PXDNL: variants seen among roughly 807,000 people sequenced by gnomAD.
PXDNL encodes probable oxidoreductase PXDNL.
A neutral mutation model predicts 150.8 loss-of-function variants in PXDNL; 145 were observed. The ratio of observed to expected loss-of-function variants is 0.96; its 90% CI spans 0.84 to 1.10. The LOEUF is 1.10. PXDNL is among the 50% of genes least tolerant of loss of function. The pLI is 0.00. For missense variants in PXDNL, 2,087 were observed against 1,873.9 expected (o/e 1.11, Z -2.10); for synonymous variants, 757 against 725.7 (o/e 1.04, Z -0.69).
intron 2 of PXDNL, among the ~76,000 whole-genome samples, chr8:51,629,497 A>G (rs897793945): frequency 4.7e-4 from 71 of 152,178 alleles, no homozygotes; most frequent in African/African-American, 1.6e-3. Flanking sequence ...AAGGAAAATA[A>G]AGAATACTTC....
chr8:51,652,400 C>G (rs1417015892), intron 2 of PXDNL, among the ~76,000 whole-genome samples: 3 of 151,314 alleles, frequency 2.0e-5, no homozygotes, highest in Non-Finnish European at 4.4e-5. Context: ...CTCTCTCTCT[C>G]TCTCTTACTG....
At chr8:51,539,122 C>T (rs1206978939) in intron 4 of PXDNL, among the ~76,000 whole-genome samples, 2 of 151,986 alleles carry the variant, frequency 1.3e-5, no homozygotes, top group African/African-American at 2.4e-5. Flanking sequence ...TGTCTTTTAC[C>T]AGGTTAAGGA....
intron 1 of PXDNL, among the ~76,000 whole-genome samples, chr8:51,725,824 C>T (rs1389396432): frequency 1.3e-5 from 2 of 152,232 alleles, no homozygotes; most frequent in African/African-American, 4.8e-5. Flanking sequence ...CAAGTATTCA[C>T]ACACAGGTAA....
intron 1 of PXDNL, among the ~76,000 whole-genome samples, chr8:51,666,308 T>C (rs146136392): frequency 1.3e-5 from 2 of 152,310 alleles, no homozygotes; most frequent in African/African-American, 4.8e-5. Flanking sequence ...CCTGCCTCTG[T>C]ATGAGCCCTC....
chr8:51,641,818 A>G (rs1212997906), intron 2 of PXDNL, among the ~76,000 whole-genome samples: 1 of 152,174 alleles, frequency 6.6e-6, no homozygotes, highest in Non-Finnish European at 1.5e-5. Context: ...GGGATCTAGA[A>G]CTAGAAATAC....
chr8:51,697,467 A>G (rs985803327), intron 1 of PXDNL, among the ~76,000 whole-genome samples: 8 of 152,266 alleles, frequency 5.3e-5, no homozygotes, highest in East Asian at 1.9e-4. Flanking sequence ...TTAAGGATGT[A>G]TGTCCAATGC....
At chr8:51,610,083 A>G (rs1813967146) in intron 2 of PXDNL, among the ~76,000 whole-genome samples, 1 of 152,116 alleles carries the variant, frequency 6.6e-6, no homozygotes, top group African/African-American at 2.4e-5. Flanking sequence ...AGGTATAATA[A>G]TTCACATTTA....
At chr8:51,435,307 C>A (rs754018788) in intron 12 of PXDNL, among the ~76,000 whole-genome samples, 1 of 151,464 alleles carries the variant, frequency 6.6e-6, no homozygotes, top group Non-Finnish European at 1.5e-5. Context: ...GGTGATAGAG[C>A]GAGACTCTGT....
intron 1 of PXDNL, among the ~76,000 whole-genome samples, chr8:51,806,696 G>A (rs2037679533): frequency 6.6e-6 from 1 of 152,182 alleles, no homozygotes; most frequent in Non-Finnish European, 1.5e-5. Flanking sequence ...TTCTAAAAAT[G>A]TAATTAGCTG....
intron 1 of PXDNL, among the ~76,000 whole-genome samples, chr8:51,790,313 G>A (rs1252433457): frequency 6.6e-6 from 1 of 152,084 alleles, no homozygotes; most frequent in Non-Finnish European, 1.5e-5. Flanking sequence ...CATTCAAATG[G>A]CAAGTGTGGG....
chr8:51,417,707 GT>G (rs2129682369), intron 14 of PXDNL, among the ~76,000 whole-genome samples: 1 of 152,234 alleles, frequency 6.6e-6, no homozygotes, highest in South Asian at 2.1e-4. Context: ...CCTATAAAGA[GT>G]GATGCTAAAA....
chr8:51,377,185 G>C (rs1198767156), intron 17 of PXDNL, among the ~76,000 whole-genome samples: 1 of 151,072 alleles, frequency 6.6e-6, no homozygotes. Context: ...TTTGTAAATG[G>C]TGTTGATAAC....
chr8:51,493,629 C>T (rs1029572635), intron 5 of PXDNL, among the ~76,000 whole-genome samples: 6 of 152,036 alleles, frequency 3.9e-5, no homozygotes, highest in Non-Finnish European at 7.4e-5. Flanking sequence ...AACTACATGA[C>T]GAATGCACAA....
At chr8:51,733,167 C>T (rs1430604041) in intron 1 of PXDNL, among the ~76,000 whole-genome samples, 1 of 152,182 alleles carries the variant, frequency 6.6e-6, no homozygotes, top group Non-Finnish European at 1.5e-5. Context: ...AGAACCAAAT[C>T]CAAGAGTAAA....
At chr8:51,443,854 T>C (rs1224794124) in intron 12 of PXDNL, among the ~76,000 whole-genome samples, 3 of 152,222 alleles carry the variant, frequency 2.0e-5, no homozygotes, top group South Asian at 2.1e-4. Context: ...CATTCCTTTA[T>C]GCTATACCAA....
At chr8:51,334,595 G>T (rs1805786861) in intron 21 of PXDNL, among the ~76,000 whole-genome samples, 1 of 152,118 alleles carries the variant, frequency 6.6e-6, no homozygotes, top group Non-Finnish European at 1.5e-5. Flanking sequence ...GAAAAGAAGA[G>T]AGAGAATCCA....
intron 17 of PXDNL, among the ~76,000 whole-genome samples, chr8:51,403,802 T>G (rs548598798): frequency 6.6e-6 from 1 of 152,272 alleles, no homozygotes; most frequent in Non-Finnish European, 1.5e-5. Context: ...AGGTGGTGAT[T>G]AGGTCATGAT....
intron 2 of PXDNL, among the ~76,000 whole-genome samples, chr8:51,623,490 G>A (rs914484336): frequency 3.9e-5 from 6 of 152,356 alleles, no homozygotes; most frequent in African/African-American, 1.2e-4. Flanking sequence ...GTGTGTGCCT[G>A]TGCATGAGCA....
intron 1 of PXDNL, among the ~76,000 whole-genome samples, chr8:51,678,866 A>T (rs537908528): frequency 5.3e-5 from 8 of 152,306 alleles, no homozygotes; most frequent in Admixed American, 1.3e-4. Flanking sequence ...TTAAAGTATA[A>T]TAAAAAAAAA....
Sources: gnomAD v4.1 joint callset for allele counts (sites outside exome capture counted in the v4.1 genomes callset) on GRCh38, gnomAD v4.1.1 for gene constraint, MANE v1.5 for transcripts, NCBI Gene and HGNC (gene_info 2026-07-23, HGNC 2026-07-21) for gene names.